COL11A1: variants seen among roughly 807,000 people sequenced by gnomAD.
COL11A1 encodes collagen alpha-1(XI) chain.
In COL11A1, 74 loss-of-function variants were observed where a neutral mutation model predicts 265.2. That is an observed-to-expected ratio of 0.28 (90% CI 0.23 to 0.34). The LOEUF is 0.34. Among genes scored for constraint, COL11A1 ranks in the 10% least tolerant of loss-of-function variants. The pLI, the probability that COL11A1 is intolerant of heterozygous loss-of-function variation, is 1.00. For synonymous variants in COL11A1, 816 were observed against 727.6 expected, an observed-to-expected ratio of 1.12 and a Z score of -1.96; for missense variants, 2,165 against 2,263.6, an observed-to-expected ratio of 0.96 and a Z score of 0.88.
chr1:102,969,445 G>A (rs10874668), intron 37 of COL11A1, among the ~76,000 whole-genome samples: 33,600 of 152,040 alleles, frequency 0.22, 3,735 homozygotes, highest in Non-Finnish European at 0.24. Flanking sequence ...TTGGTGAGAA[G>A]CAAGAATTGA....
rs116697245 is a variant in COL11A1 at position 103,097,506 on chromosome 1, C to T, written c.106+10567G>A. ...TTACTAAACTTCTGTTTTGTATTCT[C>T]CAGGAACCATACACCTCTCCTTCAA... On this transcript the variant is annotated intron_variant, in intron 1 of 66. Transcript: ENST00000370096. Among the ~76,000 whole-genome samples, 1,060 of 152,076 alleles carry T rather than the reference C, an allele frequency of 7.0e-3. 12 individuals carry two copies. The highest frequency in any genetic ancestry group is 0.024 in the African/African-American group (1,009 of 41,506).
intron 4 of COL11A1, among the ~76,000 whole-genome samples, chr1:103,043,396 C>T (rs984119108): frequency 2.6e-5 from 4 of 151,634 alleles, no homozygotes; most frequent in Admixed American, 6.6e-5. Flanking sequence ...GGGCTCCTTA[C>T]TTAACCAGTC....
intron 63 of COL11A1, among the ~76,000 whole-genome samples, chr1:102,886,496 T>A (rs1326705455): frequency 6.6e-6 from 1 of 152,146 alleles, no homozygotes; most frequent in Non-Finnish European, 1.5e-5. Context: ...TATTACAATA[T>A]ACACATGTGT....
chr1:102,954,767 C>G (rs969655382), intron 41 of COL11A1, among the ~76,000 whole-genome samples: 2 of 151,680 alleles, frequency 1.3e-5, no homozygotes, highest in Admixed American at 6.6e-5. Flanking sequence ...TCACTTGAAC[C>G]TAGGAGGCGG....
At chr1:102,913,778 C>A (rs1654984612) in intron 52 of COL11A1, 88 bp from the exon 53 acceptor site, 2 of 1,171,878 alleles carry the variant, frequency 1.7e-6, no homozygotes, top group Non-Finnish European at 2.5e-6. Context: ...GTTAGGCCAT[C>A]TCTTGAGAAA....
chr1:102,924,127 A>G lies in COL11A1; in HGVS notation c.3601-738T>C, dbSNP rs932285807. ...TCACAGCTACTCGGGAGGCTGAGGC[A>G]GGAGAATGGTGTGAACTCCGGAGGT... On this transcript the variant is annotated intron_variant, in intron 46 of 66. Coordinates refer to ENST00000370096, the MANE Select transcript of COL11A1 (RefSeq NM_001854.4). 7.2e-5 allele frequency among the ~76,000 whole-genome samples: 11 copies of G among 151,928 alleles called. No individual in the cohort carries two copies. The East Asian group carries it at 2.1e-3, about 29-fold the overall frequency.
chr1:103,017,223 C>G lies in COL11A1; in HGVS notation c.1413+597G>C, dbSNP rs1356272895. 2.0e-5 allele frequency among the ~76,000 whole-genome samples: 3 copies of G among 151,916 alleles called. No individual in the cohort carries two copies. The East Asian group carries it at 5.8e-4, about 29-fold the overall frequency. ...ATTTCTGAAATAGTTAAAAATCTTC[C>G]TTCATTAAATTTAAATTAAAAAGTT... On this transcript the variant is annotated intron_variant, in intron 11 of 66. Transcript: ENST00000370096.
chr1:102,987,244 T>C lies in COL11A1; in HGVS notation c.2502+389A>G, dbSNP rs1394362049. On this transcript the variant is annotated intron_variant, in intron 30 of 66. Transcript: ENST00000370096. ...GAATTCCCTATTTAATATAGACATA[T>C]ACATGTAGGATATATATATATATGT... Among the ~76,000 whole-genome samples the C allele has an allele frequency of 3.5e-5, 4 of 114,966 alleles. No homozygotes were observed. The East Asian group carries it at 1.5e-3, about 44-fold the overall frequency. 75.4% of individuals were successfully genotyped at this position (114,966 alleles called of 152,430 possible).
chr1:102,887,218 G>A (rs772970315), intron 62 of COL11A1, among the ~76,000 whole-genome samples, 162 bp from the exon 63 acceptor site: 11 of 152,004 alleles, frequency 7.2e-5, no homozygotes, highest in African/African-American at 2.2e-4. Context: ...ATATATAAAC[G>A]TCATAGATTC....
intron 49 of COL11A1, among the ~76,000 whole-genome samples, chr1:102,918,069 T>G (rs1655554511): frequency 6.6e-6 from 1 of 151,460 alleles, no homozygotes; most frequent in Admixed American, 6.6e-5. Context: ...GTTATATAAA[T>G]TAAGTCTATA....
At chr1:103,018,097 G>A (rs1666710006) in intron 10 of COL11A1, among the ~76,000 whole-genome samples, 1 of 152,010 alleles carries the variant, frequency 6.6e-6, no homozygotes, top group Non-Finnish European at 1.5e-5. Flanking sequence ...AACATTTCAA[G>A]GAAAAACAGG....
rs185223835 is a variant in COL11A1, at chr1:103,099,221, T to C, written c.106+8852A>G. Reference sequence around the variant, plus strand: ...ATATACCATGGATAGCAATATAGTATAAAAACTATGTAACTATATTCCAAA... The same window carrying C: ...ATATACCATGGATAGCAATATAGTACAAAAACTATGTAACTATATTCCAAA... On this transcript the variant is annotated intron_variant, in intron 1 of 66. Coordinates refer to ENST00000370096, the MANE Select transcript of COL11A1 (RefSeq NM_001854.4). Among the ~76,000 whole-genome samples the C allele has an allele frequency of 6.7e-4, 101 of 151,870 alleles. 1 individual carries two copies. The highest frequency in any genetic ancestry group is 2.2e-3 in the African/African-American group (93 of 41,506).
intron 1 of COL11A1, among the ~76,000 whole-genome samples, chr1:103,092,718 A>G (rs1673423820): frequency 6.6e-6 from 1 of 152,152 alleles, no homozygotes; most frequent in Admixed American, 6.5e-5. Context: ...CTCTGTAAAA[A>G]GTGATCTCTC....
rs538385146 is a variant in COL11A1 at position 103,015,879 on chromosome 1, A to G, written c.1414-137T>C. 3 of 588,626 alleles carry G rather than the reference A, an allele frequency of 5.1e-6. No individual in the cohort carries two copies. The African/African-American group carries it at 5.7e-5, about 11-fold the overall frequency. 36.5% of individuals were successfully genotyped at this position (588,626 alleles called of 1,614,324 possible). A position where few individuals can be genotyped will look rare whatever the true frequency, so the allele number is the denominator to read the frequency against. ...CACCTTATTTAGTCTGTTTTTAGTA[A>G]GTATACCTAGACAGAATTCTATTCT... On this transcript the variant is annotated intron_variant, in intron 11 of 66. Transcript: ENST00000370096.
chr1:102,980,911 A>G (rs1373331744), intron 31 of COL11A1, among the ~76,000 whole-genome samples: 2 of 152,154 alleles, frequency 1.3e-5, no homozygotes, highest in African/African-American at 4.8e-5. Flanking sequence ...AGGCATGTAC[A>G]GTTGGAATAG....
intron 37 of COL11A1, among the ~76,000 whole-genome samples, chr1:102,968,280 C>T (rs1198360905): frequency 6.6e-6 from 1 of 152,148 alleles, no homozygotes; most frequent in East Asian, 1.9e-4. Flanking sequence ...CTGTTACAAT[C>T]CAACAGAAAT....
chr1:102,879,364 A>G (rs529640752), intron 66 of COL11A1, among the ~76,000 whole-genome samples: 2 of 152,294 alleles, frequency 1.3e-5, no homozygotes, highest in East Asian at 3.9e-4. Flanking sequence ...GGCAAATGAA[A>G]TAAGTGTTTT....
At chr1:102,904,989 A>G (rs904890591) in intron 54 of COL11A1, among the ~76,000 whole-genome samples, 14 of 152,032 alleles carry the variant, frequency 9.2e-5, no homozygotes, top group Admixed American at 2.0e-4. Flanking sequence ...TCTGACAACA[A>G]TAGACTGGAT....
intron 41 of COL11A1, among the ~76,000 whole-genome samples, chr1:102,957,274 T>C (rs1048406301): frequency 6.6e-6 from 1 of 152,078 alleles, no homozygotes; most frequent in African/African-American, 2.4e-5. Flanking sequence ...TTAAATATTA[T>C]ATTTGTTCTT....
Sources: gnomAD v4.1 joint callset for allele counts (sites outside exome capture counted in the v4.1 genomes callset) on GRCh38, gnomAD v4.1.1 for gene constraint, MANE v1.5 for transcripts, NCBI Gene and HGNC (gene_info 2026-07-23, HGNC 2026-07-21) for gene names.